Variants in ANO2 observed in about 807,000 individuals in gnomAD.
ANO2 encodes anoctamin 2.
In ANO2, 101 loss-of-function variants were observed where a neutral mutation model predicts 124.2. The observed-to-expected ratio is 0.81, with a 90% CI of 0.69 to 0.96. The LOEUF is 0.96. Among genes scored for constraint, ANO2 ranks in the 40% least tolerant of loss-of-function variants. The probability of loss-of-function intolerance (pLI) is 0.00; values close to 1 mark genes in which losing one functional copy is unlikely to be tolerated. For missense variants in ANO2, 1,293 were observed against 1,274.5 expected (o/e 1.01, Z -0.22); for synonymous variants, 486 against 482.5 (o/e 1.01, Z -0.09).
chr12:5,588,265 G>C (rs771171869), intron 20 of ANO2, among the ~76,000 whole-genome samples: 1 of 151,938 alleles, frequency 6.6e-6, no homozygotes, highest in African/African-American at 2.4e-5. Flanking sequence ...GGCAGCTTTG[G>C]TTTCATTGCT....
chr12:5,578,467 G>C lies in ANO2; in HGVS notation c.2285C>G (p.Pro762Arg). The C allele has an allele frequency of 6.2e-7, 1 of 1,613,958 alleles. No homozygotes were observed. Among genetic ancestry groups the C allele is most frequent in the Non-Finnish European group, 8.5e-7 (1 of 1,179,860 alleles). ...TLFVASFPLA[P>R]VFALLNNVIE... ...GACGTTGTTGAGGAGGGCAAACACA[G>C]GTGCCAGGGGAAAGGAGGCCACGAA... The change falls in exon 21 of 25, where the codon CCT becomes CGT. Residue 762 changes from proline to arginine, a missense_variant. By Grantham distance (103) the Pro-to-Arg change is moderately radical. Transcript: ENST00000682330.
chr12:5,594,560 G>A (rs754654276), intron 20 of ANO2, among the ~76,000 whole-genome samples: 17 of 152,288 alleles, frequency 1.1e-4, no homozygotes, highest in Admixed American at 1.3e-4. Context: ...TCGTGGCCGG[G>A]TGTGGTGGCT....
At chr12:5,738,902 G>A (rs1950981225) in intron 13 of ANO2, among the ~76,000 whole-genome samples, 2 of 152,096 alleles carry the variant, frequency 1.3e-5, no homozygotes, top group South Asian at 2.1e-4. Context: ...TTCATTCACA[G>A]ACATCAAAGA....
intron 16 of ANO2, among the ~76,000 whole-genome samples, chr12:5,623,800 C>T (rs12829253): frequency 3.3e-5 from 5 of 152,364 alleles, no homozygotes; most frequent in Non-Finnish European, 5.9e-5. Flanking sequence ...TTACCTCTCC[C>T]TAAGGCAGGT....
At chr12:5,879,175 G>A (rs140366253) in intron 3 of ANO2, among the ~76,000 whole-genome samples, 13 of 152,334 alleles carry the variant, frequency 8.5e-5, no homozygotes, top group South Asian at 6.2e-4. Flanking sequence ...TCAGAGCTAA[G>A]GAGCCACGTG....
At chr12:5,755,649 T>A (rs1364375911) in intron 10 of ANO2, among the ~76,000 whole-genome samples, 1 of 151,980 alleles carries the variant, frequency 6.6e-6, no homozygotes, top group African/African-American at 2.4e-5. Context: ...AGTGAGAACA[T>A]GCGGTGTTTG....
At chr12:5,747,865 A>G (rs1951316234) in intron 11 of ANO2, among the ~76,000 whole-genome samples, 1 of 152,234 alleles carries the variant, frequency 6.6e-6, no homozygotes, top group African/African-American at 2.4e-5. Context: ...GTAGAACACC[A>G]TCCACTCTGA....
At chr12:5,799,926 A>G (rs558251406) in intron 9 of ANO2, among the ~76,000 whole-genome samples, 1 of 152,372 alleles carries the variant, frequency 6.6e-6, no homozygotes, top group South Asian at 2.1e-4. Flanking sequence ...CACTGTCCCC[A>G]CACTGGATAC....
Position 5,563,315 on chromosome 12 carries a change from T to C in ANO2, c.2981A>G (p.Gln994Arg). 1 of 1,600,482 alleles carries C rather than the reference T, an allele frequency of 6.2e-7. No homozygotes were observed. The highest frequency in any genetic ancestry group is 8.5e-7 in the Non-Finnish European group (1 of 1,176,670). The change falls in exon 25 of 25, where the codon CAG (glutamine) becomes CGG (arginine). Residue 994 changes from glutamine to arginine, a missense_variant. Physicochemically the swap from Gln to Arg is conservative, Grantham distance 43. Transcript: ENST00000682330. Reference sequence around the variant, plus strand: ...CTGAACTGCTCACACATTGGTGTGCTGAGAGCCTGACGACATCATGCTGCC... The same window carrying C: ...CTGAACTGCTCACACATTGGTGTGCCGAGAGCCTGACGACATCATGCTGCC... ...QLGSMMSSGS[Q>R]HTNV
intron 14 of ANO2, among the ~76,000 whole-genome samples, chr12:5,704,469 C>A (rs1458387846): frequency 6.6e-6 from 1 of 152,126 alleles, no homozygotes; most frequent in African/African-American, 2.4e-5. Flanking sequence ...TCATTGGAAG[C>A]TTCTGGTATT....
chr12:5,784,167 G>A (rs1952478374), intron 10 of ANO2, among the ~76,000 whole-genome samples: 1 of 151,344 alleles, frequency 6.6e-6, no homozygotes, highest in Admixed American at 6.6e-5. Flanking sequence ...CCCCTATCTG[G>A]AATGTCCATC....
In ANO2 at chr12:5,777,835, G is replaced by C. The variant is rs1358394013; in HGVS notation, c.1055+21672C>G. Among the ~76,000 whole-genome samples, 4 of 152,292 alleles carry C rather than the reference G, an allele frequency of 2.6e-5. No individual in the cohort carries two copies. In the East Asian group the frequency reaches 7.7e-4, roughly 29 times the overall value. On this transcript the variant is annotated intron_variant, in intron 10 of 24. Transcript: ENST00000682330. ...ACAGCCAGAAAAGCGACTGCAAGGA[G>C]GTGGGAGCAGACATTTGGTCTGCCC...
intron 3 of ANO2, among the ~76,000 whole-genome samples, chr12:5,887,672 A>G (rs1939030786): frequency 6.6e-6 from 1 of 152,170 alleles, no homozygotes; most frequent in South Asian, 2.1e-4. Flanking sequence ...AAGGAAGGAG[A>G]GAGAGAAGGA....
chr12:5,847,262 C>T (rs1954711661), intron 4 of ANO2, among the ~76,000 whole-genome samples: 1 of 152,196 alleles, frequency 6.6e-6, no homozygotes, highest in African/African-American at 2.4e-5. Context: ...CAAACTTGAA[C>T]TGAAACATCA....
chr12:5,640,104 T>C (rs1443949268), intron 15 of ANO2, among the ~76,000 whole-genome samples: 1 of 152,180 alleles, frequency 6.6e-6, no homozygotes, highest in Non-Finnish European at 1.5e-5. Context: ...TCTTTGTCCA[T>C]GCTGGTTTCT....
intron 7 of ANO2, among the ~76,000 whole-genome samples, chr12:5,825,408 G>A (rs929131104): frequency 2.0e-5 from 3 of 152,164 alleles, no homozygotes; most frequent in Admixed American, 1.3e-4. Context: ...ACGGGTCCAA[G>A]AATCAAGGCA....
At chr12:5,695,231 A>T (rs1224109179) in intron 14 of ANO2, among the ~76,000 whole-genome samples, 2 of 152,150 alleles carry the variant, frequency 1.3e-5, no homozygotes, top group Non-Finnish European at 2.9e-5. Context: ...CCTCAACAGG[A>T]ATTAGGCCCT....
At chr12:5,664,646 G>T (rs533051696) in intron 14 of ANO2, among the ~76,000 whole-genome samples, 12 of 152,138 alleles carry the variant, frequency 7.9e-5, no homozygotes, top group Admixed American at 7.9e-4. Flanking sequence ...AATTCCAATC[G>T]TATGTTCTTT....
intron 23 of ANO2, among the ~76,000 whole-genome samples, chr12:5,572,266 A>G (rs1330709230): frequency 6.6e-6 from 1 of 152,052 alleles, no homozygotes; most frequent in Non-Finnish European, 1.5e-5. Context: ...CCTGGAATAC[A>G]GTGTTCTCTC....
Sources: allele counts gnomAD v4.1 joint callset (sites outside exome capture counted in the v4.1 genomes callset), GRCh38; gene constraint gnomAD v4.1.1; transcripts MANE v1.5; gene names NCBI Gene and HGNC (gene_info 2026-07-23, HGNC 2026-07-21).